XKR9: variants seen among roughly 807,000 people sequenced by gnomAD.
The protein encoded by XKR9 is XK related 9.
In XKR9, 32 loss-of-function variants were observed where a neutral mutation model predicts 32.0. The observed-to-expected ratio is 1.00, with a 90% CI of 0.76 to 1.34. The LOEUF is 1.34. XKR9 is among the 40% of genes most tolerant of loss of function. The pLI, the probability that XKR9 is intolerant of heterozygous loss-of-function variation, is 0.00. For missense variants in XKR9, 546 were observed against 429.7 expected (o/e 1.27, Z -2.39); for synonymous variants, 168 against 143.4 (o/e 1.17, Z -1.22).
the XKR9 span, among the ~76,000 whole-genome samples, chr8:71,052,181 A>G: frequency 6.6e-6 from 1 of 152,362 alleles, no homozygotes; most frequent in East Asian, 1.9e-4. Context: ...GAGATTGCCC[A>G]ATGAATGCAG....
chr8:70,753,797 A>ACAGCC (rs1173240938), intron 2 of XKR9, among the ~76,000 whole-genome samples: 1 of 150,030 alleles, frequency 6.7e-6, no homozygotes, highest in Non-Finnish European at 1.5e-5. Context: ...TGACAAACCC[A>ACAGCC]CAGCCAATAT....
intron 2 of XKR9, among the ~76,000 whole-genome samples, chr8:70,781,199 T>A (rs931636301): frequency 6.6e-6 from 1 of 152,154 alleles, no homozygotes; most frequent in Non-Finnish European, 1.5e-5. Flanking sequence ...TTCATGTGCT[T>A]ATTTGCCACT....
At chr8:70,901,720 C>T in the XKR9 span, among the ~76,000 whole-genome samples, 1 of 152,184 alleles carries the variant, frequency 6.6e-6, no homozygotes, top group Non-Finnish European at 1.5e-5. Context: ...GTGTTTTAGT[C>T]ATGAAGTCCT....
the XKR9 span, among the ~76,000 whole-genome samples, chr8:70,874,013 G>A: frequency 1.3e-5 from 2 of 152,272 alleles, no homozygotes; most frequent in South Asian, 4.2e-4. Context: ...CTAACAAGAA[G>A]ATTATGACTT....
At chr8:70,922,553 G>A in the XKR9 span, among the ~76,000 whole-genome samples, 1 of 152,190 alleles carries the variant, frequency 6.6e-6, no homozygotes, top group African/African-American at 2.4e-5. Flanking sequence ...CAGTGATTAT[G>A]GAGTGTTAGC....
At chr8:70,917,984 T>C in the XKR9 span, among the ~76,000 whole-genome samples, 1 of 152,224 alleles carries the variant, frequency 6.6e-6, no homozygotes, top group Non-Finnish European at 1.5e-5. Flanking sequence ...TGGTTATTAA[T>C]TGTAATATAA....
the XKR9 span, among the ~76,000 whole-genome samples, chr8:70,925,344 C>CA: frequency 4.0e-4 from 60 of 151,300 alleles, no homozygotes; most frequent in African/African-American, 1.2e-3. Context: ...TAGATGGATT[C>CA]AAAAAAAAGA....
At chr8:70,829,306 A>AAC in the XKR9 span, among the ~76,000 whole-genome samples, 1 of 151,402 alleles carries the variant, frequency 6.6e-6, no homozygotes, top group African/African-American at 2.4e-5. Flanking sequence ...TGAACATTTA[A>AAC]TATGACTATT....
chr8:70,816,716 C>T, the XKR9 span, among the ~76,000 whole-genome samples: 1 of 139,814 alleles, frequency 7.2e-6, no homozygotes, highest in South Asian at 2.2e-4. Flanking sequence ...AGAGATTGGG[C>T]TAGATGCAAA....
chr8:70,801,142 T>C, the XKR9 span, among the ~76,000 whole-genome samples: 2 of 152,172 alleles, frequency 1.3e-5, no homozygotes, highest in Non-Finnish European at 2.9e-5. Context: ...CATGGATTCA[T>C]TGATATTTCA....
chr8:70,738,216 G>T (rs1370828797), downstream of XKR9, among the ~76,000 whole-genome samples: 1 of 137,050 alleles, frequency 7.3e-6, no homozygotes, highest in Non-Finnish European at 1.7e-5. Flanking sequence ...ATGTGTCAAG[G>T]AATTTATCCA....
chr8:70,835,859 A>G, the XKR9 span, among the ~76,000 whole-genome samples: 1 of 152,096 alleles, frequency 6.6e-6, no homozygotes, highest in East Asian at 1.9e-4. Context: ...ATTTTAGAAT[A>G]GATGATCTCA....
chr8:71,026,514 C>T, the XKR9 span, among the ~76,000 whole-genome samples: 962 of 152,200 alleles, frequency 6.3e-3, 9 homozygotes, highest in African/African-American at 0.022. Flanking sequence ...AAAGTATGTA[C>T]GGTGTGTCCT....
chr8:70,790,762 T>C (rs1490156403), downstream of XKR9, among the ~76,000 whole-genome samples: 2 of 152,110 alleles, frequency 1.3e-5, no homozygotes, highest in Non-Finnish European at 2.9e-5. Context: ...TCTTAGTACT[T>C]TTGGATTCCT....
intron 2 of XKR9, among the ~76,000 whole-genome samples, chr8:70,742,198 A>T (rs541910104): frequency 6.6e-6 from 1 of 152,350 alleles, no homozygotes; most frequent in South Asian, 2.1e-4. Context: ...AAATAACCAG[A>T]TTAAAACTGG....
the XKR9 span, among the ~76,000 whole-genome samples, chr8:71,063,242 T>A: frequency 6.6e-6 from 1 of 151,988 alleles, no homozygotes; most frequent in African/African-American, 2.4e-5. Flanking sequence ...GAGTCTGGGG[T>A]GAGGAGAGTA....
chr8:70,811,998 T>C, the XKR9 span, among the ~76,000 whole-genome samples: 3 of 151,882 alleles, frequency 2.0e-5, no homozygotes, highest in African/African-American at 7.3e-5. Flanking sequence ...AAAAAGAGAA[T>C]TTTAGACCAA....
chr8:70,736,642 G>C (rs899291652), downstream of XKR9, among the ~76,000 whole-genome samples: 3 of 152,030 alleles, frequency 2.0e-5, no homozygotes, highest in Admixed American at 2.0e-4. Flanking sequence ...ATTAACTTTT[G>C]TATAAGGTGT....
the XKR9 span, among the ~76,000 whole-genome samples, chr8:70,806,533 G>T: frequency 4.6e-5 from 7 of 152,144 alleles, no homozygotes; most frequent in Admixed American, 4.6e-4. Flanking sequence ...AAGATTAAAG[G>T]AGCTGCTAAC....
Sources: gnomAD v4.1 joint callset for allele counts (sites outside exome capture counted in the v4.1 genomes callset) on GRCh38, gnomAD v4.1.1 for gene constraint, MANE v1.5 for transcripts, NCBI Gene and HGNC (gene_info 2026-07-23, HGNC 2026-07-21) for gene names.